STAMBPL1: variants seen among roughly 807,000 people sequenced by gnomAD.
The protein encoded by STAMBPL1 is AMSH-like protease.
A neutral mutation model predicts 52.9 loss-of-function variants in STAMBPL1; 44 were observed. The observed-to-expected ratio is 0.83, with a 90% CI of 0.65 to 1.07. The LOEUF (loss-of-function observed/expected upper bound fraction) is 1.07, where lower values mean the gene tolerates loss of function less well. Ranked by LOEUF, STAMBPL1 falls within the 50% of genes least tolerant of loss-of-function variation. The probability of loss-of-function intolerance (pLI) is 0.00; values close to 1 mark genes in which losing one functional copy is unlikely to be tolerated. For synonymous variants in STAMBPL1, 164 were observed against 177.3 expected (o/e 0.92, Z 0.60); for missense variants, 511 against 520.8 (o/e 0.98, Z 0.18).
chr10:88,918,610 C>A (rs1354102963), intron 8 of STAMBPL1, among the ~76,000 whole-genome samples: 1 of 152,092 alleles, frequency 6.6e-6, no homozygotes, highest in Non-Finnish European at 1.5e-5. Flanking sequence ...TGTCTATTTG[C>A]GTTACTTAAC....
chr10:88,920,280 G>A (rs951623190), intron 8 of STAMBPL1, among the ~76,000 whole-genome samples: 4 of 152,166 alleles, frequency 2.6e-5, no homozygotes. Flanking sequence ...AATAACAACA[G>A]CTAATGACTT....
Position 88,918,040 on chromosome 10 carries a change from C to A in STAMBPL1, c.1041+1223C>A, listed in dbSNP as rs186921890. ...GAGTGGAGCCCTCATGATTCATCAC[C>A]TCCCAAAGACCACACTTCTTAATAC... On this transcript the variant is annotated intron_variant, in intron 8 of 10. Transcript: ENST00000371926. 2.9e-4 allele frequency among the ~76,000 whole-genome samples: 44 copies of A among 152,222 alleles called. 1 individual carries two copies. The highest frequency in any genetic ancestry group is 3.4e-3 in the Middle Eastern group (1 of 294).
chr10:88,914,661 A>G lies in STAMBPL1; in HGVS notation c.903+3A>G, dbSNP rs1159316690. On this transcript the variant is annotated splice_donor_region_variant and intron_variant, in intron 7 of 10. Coordinates refer to ENST00000371926, the MANE Select transcript of STAMBPL1 (RefSeq NM_020799.4). The stretch of plus-strand genomic sequence containing the variant: ...GTGGAATACTCTGTGGAAAACTGGT[A>G]TGATCTTTTTATATAAATATATATA... 6 of 1,265,278 alleles carry G rather than the reference A, an allele frequency of 4.7e-6. No individual in the cohort carries two copies. The highest frequency in any genetic ancestry group is 6.2e-6 in the Non-Finnish European group (6 of 966,458). The allele number at this position is 1,265,278 out of a possible 1,614,324, so 78.4% of individuals were successfully genotyped here.
intron 3 of STAMBPL1, among the ~76,000 whole-genome samples, chr10:88,908,309 T>A (rs1845127549): frequency 6.6e-6 from 1 of 152,236 alleles, no homozygotes; most frequent in Admixed American, 6.5e-5. Flanking sequence ...GTTTGAGTTT[T>A]TTTCAAGAGT....
At chr10:88,881,632 C>G (rs1222604058) in intron 1 of STAMBPL1, among the ~76,000 whole-genome samples, 6 of 152,128 alleles carry the variant, frequency 3.9e-5, no homozygotes, top group African/African-American at 1.4e-4. Context: ...AGGTCAATAA[C>G]GTAGATTTGT....
In STAMBPL1 at chr10:88,923,315, G is replaced by A. The variant is rs1738355119; in HGVS notation, c.*91G>A. ...TCTTAAGATGTTTCCAGAAATGACTGATATTTTATATTTATACATTTTAGA... is the reference window on the plus strand; with the variant it reads ...TCTTAAGATGTTTCCAGAAATGACTAATATTTTATATTTATACATTTTAGA... On this transcript the variant is annotated 3_prime_UTR_variant, in exon 11 of 11. Transcript: ENST00000371926. 3 of 1,472,980 alleles carry A rather than the reference G, an allele frequency of 2.0e-6. No individual in the cohort carries two copies. In the African/African-American group the frequency reaches 4.4e-5, roughly 21 times the overall value. The allele number at this position is 1,472,980 out of a possible 1,614,324, so 91.2% of individuals were successfully genotyped here.
rs750516414 is a variant in STAMBPL1 at position 88,922,337 on chromosome 10, C to T, written c.1155C>T (p.Asp385=). Residue 385 remains aspartate (D), a splice_region_variant and synonymous_variant, in exon 10 of 11, where the codon GAC becomes GAT. Transcript: ENST00000371926. ...ATCTTGTTTTTGCTCTGAAATTTAG[C>T]ACTGGCATCTTCAGGCTCACCAATG... ...IAIVCSPKHK[D]TGIFRLTNAG... 1.3e-5 allele frequency: 21 copies of T among 1,612,840 alleles called. No individual in the cohort carries two copies. The Middle Eastern group carries it at 5.0e-4, about 38-fold the overall frequency.
intron 1 of STAMBPL1, among the ~76,000 whole-genome samples, chr10:88,888,680 C>T (rs1368800626): frequency 6.6e-6 from 1 of 152,064 alleles, no homozygotes; most frequent in East Asian, 1.9e-4. Flanking sequence ...TATTGTGAGG[C>T]AAGGAAGGCA....
chr10:88,896,196 C>T (rs1210363053), intron 1 of STAMBPL1, among the ~76,000 whole-genome samples: 1 of 152,274 alleles, frequency 6.6e-6, no homozygotes, highest in South Asian at 2.1e-4. Flanking sequence ...TATGTCACAG[C>T]ATATTTCTGA....
intron 4 of STAMBPL1, 35 bp downstream of exon 4, chr10:88,908,812 A>G (rs1365748428): frequency 1.3e-6 from 2 of 1,538,974 alleles, no homozygotes; most frequent in South Asian, 1.2e-5. Context: ...GTGGAATCAA[A>G]TGCTCCATAA....
intron 7 of STAMBPL1, among the ~76,000 whole-genome samples, chr10:88,916,381 C>G (rs1845369676): frequency 6.6e-6 from 1 of 151,608 alleles, no homozygotes; most frequent in Non-Finnish European, 1.5e-5. Flanking sequence ...CTTCCACAGA[C>G]CAGCCTGGAA....
At chr10:88,889,629 T>C (rs1295564357) in intron 1 of STAMBPL1, among the ~76,000 whole-genome samples, 2 of 152,210 alleles carry the variant, frequency 1.3e-5, no homozygotes, top group African/African-American at 4.8e-5. Flanking sequence ...ACAGAATATT[T>C]TATTTTAAAA....
intron 1 of STAMBPL1, 130 bp downstream of exon 1, chr10:88,880,768 C>T (rs1043703452): frequency 3.9e-5 from 6 of 152,252 alleles, no homozygotes; most frequent in Non-Finnish European, 8.8e-5. Flanking sequence ...CGGGCTGGCT[C>T]TAGGGGAGGA....
rs73364828 is a variant in STAMBPL1, at chr10:88,897,401, A to G, written c.-53-4255A>G. 4.2e-3 allele frequency among the ~76,000 whole-genome samples: 636 copies of G among 152,332 alleles called. 8 individuals are homozygous for G. Among genetic ancestry groups the G allele is most frequent in the African/African-American group, 0.014 (597 of 41,570 alleles). On this transcript the variant is annotated intron_variant, in intron 1 of 10. Transcript: ENST00000371926. Reference sequence around the variant, plus strand: ...CTCTATAAAAGGTCAGATTAAAGAAAAAAAATGATGATGTCTTTGGAGGTT... The same window carrying G: ...CTCTATAAAAGGTCAGATTAAAGAAGAAAAATGATGATGTCTTTGGAGGTT...
chr10:88,909,575 T>C (rs933637609), intron 4 of STAMBPL1, among the ~76,000 whole-genome samples: 1 of 152,154 alleles, frequency 6.6e-6, no homozygotes, highest in Non-Finnish European at 1.5e-5. Flanking sequence ...AAAATGCAGA[T>C]TTTGTCAAAT....
In STAMBPL1 at chr10:88,913,413, G is replaced by A. The variant is rs1055876388; in HGVS notation, c.733G>A (p.Val245Ile). The change falls in exon 6 of 11, where the codon GTA becomes ATA. Residue 245 changes from valine (V) to isoleucine (I), a missense_variant. Around this residue, in one of 3 missense-constraint regions of STAMBPL1, gnomAD observed 358 missense variants for 343.5 expected, o/e 1.04. Coordinates refer to ENST00000371926, the MANE Select transcript of STAMBPL1 (RefSeq NM_020799.4). ...ATNYASHSPP[V>I]NRALTPAATL... ...CAATTATGCTAGCCACTCTCCTCCT[G>A]TAAACAGGGCCTTAACGCCAGCTGC... 2 of 1,613,596 alleles carry A rather than the reference G, an allele frequency of 1.2e-6. No individual in the cohort carries two copies. Among genetic ancestry groups the A allele is most frequent in the Non-Finnish European group, 1.7e-6 (2 of 1,179,722 alleles).
chr10:88,891,850 C>T (rs1392672059), intron 1 of STAMBPL1, among the ~76,000 whole-genome samples: 1 of 152,046 alleles, frequency 6.6e-6, no homozygotes, highest in Non-Finnish European at 1.5e-5. Flanking sequence ...TTATAAGTAA[C>T]ATTGAATAAA....
intron 4 of STAMBPL1, among the ~76,000 whole-genome samples, chr10:88,909,793 G>T (rs1353092317): frequency 2.0e-5 from 3 of 152,114 alleles, no homozygotes; most frequent in Admixed American, 1.3e-4. Context: ...TAGAGATGGG[G>T]TTTCACCATG....
At chr10:88,897,058 A>G (rs773875341) in intron 1 of STAMBPL1, among the ~76,000 whole-genome samples, 3 of 152,198 alleles carry the variant, frequency 2.0e-5, no homozygotes, top group Admixed American at 6.5e-5. Context: ...ACTTGGAAAC[A>G]TTGCAGGGAC....
Sources: gnomAD v4.1 joint callset for allele counts (sites outside exome capture counted in the v4.1 genomes callset) on GRCh38, gnomAD v4.1.1 for gene constraint, gnomAD v4.1.1 regional missense constraint, MANE v1.5 for transcripts, NCBI Gene and HGNC (gene_info 2026-07-23, HGNC 2026-07-21) for gene names.